MGMT: variants seen among roughly 807,000 people sequenced by gnomAD.
The protein encoded by MGMT is methylated-DNA--protein-cysteine methyltransferase.
A neutral mutation model predicts 15.9 loss-of-function variants in MGMT; 14 were observed. The observed-to-expected ratio is 0.88, with a 90% CI of 0.58 to 1.37. The LOEUF (loss-of-function observed/expected upper bound fraction) is 1.37. MGMT is among the 40% of genes most tolerant of loss of function. The probability of loss-of-function intolerance (pLI) is 0.00; values close to 1 mark genes in which losing one functional copy is unlikely to be tolerated. For synonymous variants in MGMT, 130 were observed against 118.2 expected, an observed-to-expected ratio of 1.10 and a Z score of -0.65; for missense variants, 282 against 268.1, an observed-to-expected ratio of 1.05 and a Z score of -0.36.
Position 129,653,556 on chromosome 10 carries a change from G to A in MGMT, c.126-54339G>A, listed in dbSNP as rs77846334. On this transcript the variant is annotated intron_variant, in intron 2 of 4. Coordinates refer to ENST00000651593, the MANE Select transcript of MGMT (RefSeq NM_002412.5). ...TGGGAGGGGTAACGCCTGCAAACCC[G>A]ACCCTGATCACCAATGGAGTGGCCT... is the stretch of plus-strand genomic sequence containing the variant. 3.2e-3 allele frequency among the ~76,000 whole-genome samples: 494 copies of A among 152,330 alleles called. 13 individuals carry two copies. The East Asian group carries it at 0.074, about 23-fold the overall frequency.
chr10:129,637,271 G>A (rs530147483), intron 2 of MGMT, among the ~76,000 whole-genome samples: 2 of 152,320 alleles, frequency 1.3e-5, no homozygotes, highest in African/African-American at 4.8e-5. Flanking sequence ...CCTGGTGTAA[G>A]TGCAGATGGG....
At chr10:129,755,541 G>C (rs1418227858) in intron 3 of MGMT, among the ~76,000 whole-genome samples, 1 of 152,238 alleles carries the variant, frequency 6.6e-6, no homozygotes, top group Admixed American at 6.5e-5. Context: ...CTGGGCTGCT[G>C]AAGGATGCCC....
chr10:129,609,303 C>T (rs1846931209), intron 2 of MGMT, among the ~76,000 whole-genome samples: 1 of 151,806 alleles, frequency 6.6e-6, no homozygotes, highest in Non-Finnish European at 1.5e-5. Context: ...TCTGGAGCCC[C>T]TGGAGGCTGG....
chr10:129,544,275 CG>C lies in MGMT; in HGVS notation c.125+7900del, dbSNP rs1589859037. On this transcript the variant is annotated intron_variant, in intron 2 of 4. Coordinates refer to ENST00000651593, the MANE Select transcript of MGMT (RefSeq NM_002412.5). ...GTGCAGGCCAGGGGAGGAAAGATCC[CG>C]GAAGTGGCAGCCACCGGATAGGCAC... Among the ~76,000 whole-genome samples the C allele has an allele frequency of 2.0e-5, 3 of 152,250 alleles. 1 individual carries two copies.
intron 2 of MGMT, among the ~76,000 whole-genome samples, chr10:129,604,236 A>G (rs1393175784): frequency 6.6e-6 from 1 of 152,234 alleles, no homozygotes; most frequent in African/African-American, 2.4e-5. Flanking sequence ...GGAGAGCACA[A>G]GCTAGTGAAG....
At chr10:129,608,259 T>A (rs955892224) in intron 2 of MGMT, among the ~76,000 whole-genome samples, 1 of 152,220 alleles carries the variant, frequency 6.6e-6, no homozygotes, top group Admixed American at 6.5e-5. Flanking sequence ...GAAGAATGCG[T>A]AGCCCGGAGC....
At chr10:129,631,747 C>T (rs1228231030) in intron 2 of MGMT, among the ~76,000 whole-genome samples, 1 of 152,094 alleles carries the variant, frequency 6.6e-6, no homozygotes, top group Non-Finnish European at 1.5e-5. Context: ...TCTCTTGAGC[C>T]TGGGAGTTGG....
At chr10:129,650,960 C>T (rs1054612660) in intron 2 of MGMT, among the ~76,000 whole-genome samples, 7 of 152,140 alleles carry the variant, frequency 4.6e-5, no homozygotes, top group South Asian at 2.1e-4. Flanking sequence ...GCCCGAGGGC[C>T]GCAGTCCTGG....
chr10:129,709,947 C>T (rs1355394519), intron 3 of MGMT, among the ~76,000 whole-genome samples: 1 of 152,192 alleles, frequency 6.6e-6, no homozygotes, highest in Non-Finnish European at 1.5e-5. Flanking sequence ...CTCTCCAAAC[C>T]ACCCCTGCAA....
At chr10:129,755,937 G>T (rs766670507) in intron 3 of MGMT, among the ~76,000 whole-genome samples, 1 of 152,184 alleles carries the variant, frequency 6.6e-6, no homozygotes, top group Non-Finnish European at 1.5e-5. Context: ...CCTTATTGGA[G>T]CTGGGTTTGG....
intron 2 of MGMT, among the ~76,000 whole-genome samples, chr10:129,635,168 ATCCTC>A: frequency 6.6e-6 from 1 of 152,216 alleles, no homozygotes; most frequent in South Asian, 2.1e-4. Flanking sequence ...CCACCCTGTC[ATCCTC>A]ACAGATAGCT....
intron 1 of MGMT, among the ~76,000 whole-genome samples, chr10:129,530,909 T>C (rs904082886): frequency 1.3e-5 from 2 of 151,986 alleles, no homozygotes; most frequent in African/African-American, 4.8e-5. Context: ...CTCCATAAGC[T>C]CTCAGCTGCC....
chr10:129,611,583 A>G (rs919413748), intron 2 of MGMT, among the ~76,000 whole-genome samples: 14 of 152,226 alleles, frequency 9.2e-5, no homozygotes, highest in Admixed American at 8.5e-4. Flanking sequence ...GGAAGTGCAT[A>G]CTGCAGGATC....
intron 1 of MGMT, among the ~76,000 whole-genome samples, chr10:129,480,597 G>A (rs1170814573): frequency 6.6e-6 from 1 of 152,132 alleles, no homozygotes; most frequent in Non-Finnish European, 1.5e-5. Context: ...GAAAGTTCTG[G>A]CTGGGCACAC....
chr10:129,536,525 T>G (rs10734087), intron 2 of MGMT, 148 bp downstream of exon 2: 1 of 979,834 alleles, frequency 1.0e-6, no homozygotes, highest in African/African-American at 1.7e-5. Context: ...CTCAAAACAG[T>G]GTGCTGCGAC....
chr10:129,593,016 G>T (rs756200663), intron 2 of MGMT, among the ~76,000 whole-genome samples: 1 of 152,124 alleles, frequency 6.6e-6, no homozygotes, highest in African/African-American at 2.4e-5. Context: ...GACACCCACC[G>T]CCCCAGACAA....
intron 2 of MGMT, among the ~76,000 whole-genome samples, chr10:129,604,643 C>T (rs1406668544): frequency 2.0e-5 from 3 of 151,678 alleles, no homozygotes; most frequent in Admixed American, 6.6e-5. Context: ...GAGTGGCTCC[C>T]TGTGGCTCTG....
chr10:129,708,979 G>A (rs900801802), intron 3 of MGMT, among the ~76,000 whole-genome samples: 2 of 152,188 alleles, frequency 1.3e-5, no homozygotes, highest in African/African-American at 4.8e-5. Context: ...ACCCCTGAAG[G>A]TTGGGCTAAT....
chr10:129,568,994 T>G (rs1846386404), intron 2 of MGMT, among the ~76,000 whole-genome samples: 1 of 152,234 alleles, frequency 6.6e-6, no homozygotes, highest in Non-Finnish European at 1.5e-5. Flanking sequence ...TCTGTATTCC[T>G]TTATGACAGT....
Sources: gnomAD v4.1 joint callset for allele counts (sites outside exome capture counted in the v4.1 genomes callset) on GRCh38, gnomAD v4.1.1 for gene constraint, MANE v1.5 for transcripts, NCBI Gene and HGNC (gene_info 2026-07-23, HGNC 2026-07-21) for gene names.